The following ENTREP2 variants were observed in gnomAD, a reference collection of about 807,000 sequenced individuals.
ENTREP2 encodes the protein endosomal transmembrane epsin interactor 2.
chr15:29,405,149 G>A, the ENTREP2 span, among the ~76,000 whole-genome samples: 3 of 152,176 alleles, frequency 2.0e-5, no homozygotes, highest in African/African-American at 7.2e-5. Context: ...AGCACTTTGG[G>A]AGGCCGAGGC....
At chr15:29,335,060 C>T in the ENTREP2 span, among the ~76,000 whole-genome samples, 1 of 152,182 alleles carries the variant, frequency 6.6e-6, no homozygotes, top group African/African-American at 2.4e-5. Context: ...GCACAGCTGC[C>T]CCGGCCATCT....
the ENTREP2 span, among the ~76,000 whole-genome samples, chr15:29,657,485 G>GGGGGGC: frequency 2.8e-5 from 1 of 36,362 alleles, no homozygotes; most frequent in Admixed American, 3.0e-4. Context: ...TGGGGGGGCG[G>GGGGGGC]GGGGGGGGGG....
At chr15:29,584,301 G>A in the ENTREP2 span, among the ~76,000 whole-genome samples, 343 of 152,206 alleles carry the variant, frequency 2.3e-3, 2 homozygotes, top group African/African-American at 7.8e-3. Context: ...AGAAATGGCC[G>A]CTGAAGAAAA....
the ENTREP2 span, among the ~76,000 whole-genome samples, chr15:29,131,279 G>A: frequency 6.6e-6 from 1 of 151,952 alleles, no homozygotes; most frequent in African/African-American, 2.4e-5. Flanking sequence ...CAGATTTTAT[G>A]TGGATCGTAA....
At chr15:29,582,138 T>TAGTAGA in the ENTREP2 span, among the ~76,000 whole-genome samples, 1 of 152,128 alleles carries the variant, frequency 6.6e-6, no homozygotes, top group East Asian at 1.9e-4. Context: ...GAGATGGGTT[T>TAGTAGA]CACCATCTTG....
chr15:29,486,140 A>G, the ENTREP2 span, among the ~76,000 whole-genome samples: 1 of 151,242 alleles, frequency 6.6e-6, no homozygotes, highest in Non-Finnish European at 1.5e-5. Flanking sequence ...AGAAATTGAT[A>G]AAATGATAAA....
the ENTREP2 span, among the ~76,000 whole-genome samples, chr15:29,659,460 G>A: frequency 2.0e-5 from 3 of 152,010 alleles, no homozygotes; most frequent in African/African-American, 4.8e-5. Flanking sequence ...GACAGTGCGA[G>A]ACTCCATCTC....
At chr15:29,564,143 C>G in the ENTREP2 span, among the ~76,000 whole-genome samples, 1 of 152,156 alleles carries the variant, frequency 6.6e-6, no homozygotes, top group Non-Finnish European at 1.5e-5. Flanking sequence ...GACTAGGATA[C>G]CTTTCCCATT....
At chr15:29,196,594 C>T in the ENTREP2 span, 14 of 1,534,324 alleles carry the variant, frequency 9.1e-6, no homozygotes, top group Admixed American at 3.9e-5. Flanking sequence ...CAGACCTCAC[C>T]GTTAACAGGC....
At chr15:29,595,429 A>G in the ENTREP2 span, among the ~76,000 whole-genome samples, 1 of 152,158 alleles carries the variant, frequency 6.6e-6, no homozygotes, top group Non-Finnish European at 1.5e-5. Flanking sequence ...AACAATACTG[A>G]CACATTATTA....
At chr15:29,246,973 G>A in the ENTREP2 span, among the ~76,000 whole-genome samples, 9 of 137,094 alleles carry the variant, frequency 6.6e-5, no homozygotes, top group East Asian at 2.2e-4. Flanking sequence ...GACTGGAAAG[G>A]CACACACACA....
At chr15:29,142,857 G>A in the ENTREP2 span, among the ~76,000 whole-genome samples, 2,505 of 151,194 alleles carry the variant, frequency 0.017, 69 homozygotes, top group African/African-American at 0.058. Flanking sequence ...AGAATGAGAT[G>A]ACATTTAAAA....
the ENTREP2 span, among the ~76,000 whole-genome samples, chr15:29,370,400 G>A: frequency 1.3e-5 from 2 of 151,946 alleles, no homozygotes; most frequent in Admixed American, 6.6e-5. Flanking sequence ...AATGATAAAG[G>A]CTTAATCATT....
the ENTREP2 span, among the ~76,000 whole-genome samples, chr15:29,515,934 A>C: frequency 5.3e-4 from 81 of 152,188 alleles, no homozygotes; most frequent in Non-Finnish European, 8.2e-4. Flanking sequence ...AGCCCTTGAA[A>C]TATGGCTAGT....
the ENTREP2 span, among the ~76,000 whole-genome samples, chr15:29,214,195 A>G: frequency 9.9e-5 from 15 of 152,178 alleles, no homozygotes; most frequent in Non-Finnish European, 2.1e-4. Context: ...CTGGGTATAT[A>G]CCCAAAGGAT....
the ENTREP2 span, among the ~76,000 whole-genome samples, chr15:29,550,151 T>C: frequency 6.6e-6 from 1 of 152,184 alleles, no homozygotes; most frequent in Non-Finnish European, 1.5e-5. Flanking sequence ...CTGTCAAATA[T>C]GTATAGTGAC....
chr15:29,346,314 G>A, the ENTREP2 span, among the ~76,000 whole-genome samples: 2 of 152,268 alleles, frequency 1.3e-5, no homozygotes, highest in South Asian at 2.1e-4. Context: ...GCCACTCACC[G>A]GCCGGGGACT....
the ENTREP2 span, among the ~76,000 whole-genome samples, chr15:29,248,016 C>T: frequency 1.3e-5 from 2 of 152,218 alleles, no homozygotes; most frequent in African/African-American, 4.8e-5. Context: ...CTCTAGCCTC[C>T]TTGATGATTC....
At chr15:29,185,340 G>C in the ENTREP2 span, among the ~76,000 whole-genome samples, 20 of 152,084 alleles carry the variant, frequency 1.3e-4, no homozygotes, top group African/African-American at 4.6e-4. Flanking sequence ...CATTATTCCA[G>C]TCCTATCTTT....
Sources: allele counts gnomAD v4.1 joint callset (sites outside exome capture counted in the v4.1 genomes callset), GRCh38; gene constraint gnomAD v4.1.1; transcripts MANE v1.5; gene names NCBI Gene and HGNC (gene_info 2026-07-23, HGNC 2026-07-21).